The following NEGR1 variants were observed in gnomAD, a reference collection of about 807,000 sequenced individuals.
NEGR1 encodes the protein neuronal growth regulator 1.
NEGR1 carries 10 observed loss-of-function variants against 40.9 expected under a neutral mutation model. That is an observed-to-expected ratio of 0.24 (90% CI 0.15 to 0.42). The LOEUF (loss-of-function observed/expected upper bound fraction) is 0.42, where lower values mean the gene tolerates loss of function less well. Among genes scored for constraint, NEGR1 ranks in the 10% least tolerant of loss-of-function variants. NEGR1 has a pLI of 1.00. For missense variants in NEGR1, 352 were observed against 438.9 expected, an observed-to-expected ratio of 0.80 and a Z score of 1.77; for synonymous variants, 185 against 166.8, an observed-to-expected ratio of 1.11 and a Z score of -0.84.
chr1:71,542,950 A>G (rs114694218), intron 6 of NEGR1, among the ~76,000 whole-genome samples: 2,998 of 151,840 alleles, frequency 0.02, 49 homozygotes, highest in Non-Finnish European at 0.03. Flanking sequence ...TATATATAGC[A>G]GAATGTAAGG....
intron 6 of NEGR1, among the ~76,000 whole-genome samples, chr1:71,491,042 A>T (rs1224443766): frequency 6.6e-6 from 1 of 151,994 alleles, no homozygotes; most frequent in African/African-American, 2.4e-5. Flanking sequence ...AATGTTTATT[A>T]AAAAAATTCA....
intron 6 of NEGR1, among the ~76,000 whole-genome samples, chr1:71,577,306 G>T (rs994165403): frequency 1.3e-5 from 2 of 152,124 alleles, no homozygotes; most frequent in African/African-American, 2.4e-5. Flanking sequence ...CTTTGTTTTA[G>T]ACATTAAGAT....
rs1411897141 is a variant in NEGR1 at position 71,950,182 on chromosome 1, T to C, written c.177-14871A>G. ...TGAAATATCATTCCTGTTTATGTAG[T>C]TCAGAGTTCCTACTGTGTGGCAGTA... On this transcript the variant is annotated intron_variant, in intron 1 of 6. Coordinates refer to ENST00000357731, the MANE Select transcript of NEGR1 (RefSeq NM_173808.3). Among the ~76,000 whole-genome samples the C allele has an allele frequency of 4.6e-5, 7 of 152,068 alleles. No individual in the cohort carries two copies. The East Asian group carries it at 1.3e-3, about 29-fold the overall frequency.
intron 2 of NEGR1, among the ~76,000 whole-genome samples, chr1:71,888,363 C>T (rs1037782544): frequency 1.3e-5 from 2 of 152,110 alleles, no homozygotes; most frequent in African/African-American, 4.8e-5. Flanking sequence ...TGTGCGCCCA[C>T]CGTGCGCGAG....
chr1:71,860,212 C>A (rs1659904443), intron 2 of NEGR1, among the ~76,000 whole-genome samples: 1 of 147,786 alleles, frequency 6.8e-6, no homozygotes, highest in African/African-American at 2.5e-5. Context: ...AAAAAAAAAA[C>A]AACTATTCAC....
At chr1:72,015,367 C>T (rs1404392358) in intron 1 of NEGR1, among the ~76,000 whole-genome samples, 1 of 151,920 alleles carries the variant, frequency 6.6e-6, no homozygotes, top group African/African-American at 2.4e-5. Context: ...TTTGTGGTCA[C>T]AAAAATGCAT....
chr1:71,897,629 A>G (rs1661009001), intron 2 of NEGR1, among the ~76,000 whole-genome samples: 1 of 152,354 alleles, frequency 6.6e-6, no homozygotes, highest in Middle Eastern at 3.4e-3. Flanking sequence ...CATACTTTAA[A>G]ATATAGAATG....
chr1:72,179,939 G>A (rs373094983), intron 1 of NEGR1, among the ~76,000 whole-genome samples: 3 of 151,946 alleles, frequency 2.0e-5, no homozygotes, highest in East Asian at 1.9e-4. Flanking sequence ...AATTAGTGTT[G>A]TTAAAATGTC....
intron 4 of NEGR1, among the ~76,000 whole-genome samples, chr1:71,684,663 A>T (rs1652963618): frequency 6.6e-6 from 1 of 152,198 alleles, no homozygotes; most frequent in Non-Finnish European, 1.5e-5. Context: ...CATTCCAATG[A>T]GAGGAAGATG....
intron 6 of NEGR1, among the ~76,000 whole-genome samples, chr1:71,409,273 CCTT>C (rs113115991): frequency 0.021 from 3,183 of 151,858 alleles, 90 homozygotes; most frequent in African/African-American, 0.061. Flanking sequence ...TAATATATGA[CCTT>C]CTCAATAGTA....
At chr1:71,643,899 T>C (rs557647611) in intron 4 of NEGR1, among the ~76,000 whole-genome samples, 18 of 152,088 alleles carry the variant, frequency 1.2e-4, no homozygotes, top group African/African-American at 4.3e-4. Context: ...AAATGAACAA[T>C]AAACAATTGA....
intron 6 of NEGR1, among the ~76,000 whole-genome samples, chr1:71,498,117 T>G (rs1053186205): frequency 6.6e-6 from 1 of 150,748 alleles, no homozygotes; most frequent in South Asian, 2.1e-4. Flanking sequence ...AACAAGAAAA[T>G]ATGAACTCAT....
chr1:72,029,598 G>A (rs556764888), intron 1 of NEGR1, among the ~76,000 whole-genome samples: 57 of 152,268 alleles, frequency 3.7e-4, no homozygotes, highest in African/African-American at 1.3e-3. Flanking sequence ...ATATTTCATT[G>A]AAAATCATGG....
At chr1:72,183,635 T>C (rs1252913935) in intron 1 of NEGR1, among the ~76,000 whole-genome samples, 1 of 152,132 alleles carries the variant, frequency 6.6e-6, no homozygotes, top group East Asian at 1.9e-4. Flanking sequence ...ACTGTGACTA[T>C]CTAATGCCAG....
At chr1:72,091,216 T>C (rs1049110375) in intron 1 of NEGR1, among the ~76,000 whole-genome samples, 1 of 152,174 alleles carries the variant, frequency 6.6e-6, no homozygotes, top group African/African-American at 2.4e-5. Context: ...TGAAATGATA[T>C]GCACTCAGAT....
At chr1:72,114,058 A>C (rs1163012144) in intron 1 of NEGR1, among the ~76,000 whole-genome samples, 1 of 151,800 alleles carries the variant, frequency 6.6e-6, no homozygotes, top group African/African-American at 2.4e-5. Context: ...GAGTGTTTTC[A>C]AAATTGATCA....
intron 2 of NEGR1, among the ~76,000 whole-genome samples, chr1:71,820,096 G>T (rs972664103): frequency 6.6e-6 from 1 of 151,902 alleles, no homozygotes; most frequent in Non-Finnish European, 1.5e-5. Flanking sequence ...TTTATTTTTT[G>T]GTAATGAAAG....
chr1:71,901,266 C>A (rs1661136122), intron 2 of NEGR1, among the ~76,000 whole-genome samples: 1 of 152,166 alleles, frequency 6.6e-6, no homozygotes, highest in Non-Finnish European at 1.5e-5. Context: ...TAAGAGCCTG[C>A]CATAGCAACT....
At chr1:71,658,471 G>C (rs1398022563) in intron 4 of NEGR1, among the ~76,000 whole-genome samples, 1 of 151,952 alleles carries the variant, frequency 6.6e-6, no homozygotes, top group African/African-American at 2.4e-5. Flanking sequence ...AGAATTATTT[G>C]CAAAGGTGCC....
Sources: gnomAD v4.1 joint callset for allele counts (sites outside exome capture counted in the v4.1 genomes callset) on GRCh38, gnomAD v4.1.1 for gene constraint, MANE v1.5 for transcripts, NCBI Gene and HGNC (gene_info 2026-07-23, HGNC 2026-07-21) for gene names.